The following BMPR1B variants were observed in gnomAD, a reference collection of about 807,000 sequenced individuals.
BMPR1B encodes bone morphogenetic protein receptor type-1B.
In BMPR1B, 12 loss-of-function variants were observed where a neutral mutation model predicts 59.1. The ratio of observed to expected loss-of-function variants is 0.20; its 90% CI spans 0.13 to 0.33. BMPR1B has a LOEUF of 0.33. Among genes scored for constraint, BMPR1B ranks in the 10% least tolerant of loss-of-function variants. BMPR1B has a pLI of 1.00. For missense variants in BMPR1B, 550 were observed against 610.9 expected (o/e 0.90, Z 1.05); for synonymous variants, 237 against 207.3 (o/e 1.14, Z -1.23).
At chr4:95,053,995 G>A (rs542290848) in intron 3 of BMPR1B, among the ~76,000 whole-genome samples, 4 of 152,138 alleles carry the variant, frequency 2.6e-5, no homozygotes, top group Admixed American at 2.0e-4. Context: ...AGGAAAATAC[G>A]AAACACTGAT....
chr4:95,075,104 T>A (rs1728604828), intron 3 of BMPR1B, among the ~76,000 whole-genome samples: 1 of 152,176 alleles, frequency 6.6e-6, no homozygotes, highest in African/African-American at 2.4e-5. Flanking sequence ...CTGTAGGTCT[T>A]AAGATTAAAT....
At chr4:94,862,183 C>T (rs1726011474) in intron 1 of BMPR1B, among the ~76,000 whole-genome samples, 1 of 151,294 alleles carries the variant, frequency 6.6e-6, no homozygotes, top group South Asian at 2.1e-4. Flanking sequence ...TGGAGTCTTG[C>T]TGTGTCACCC....
chr4:95,023,738 T>G (rs1195571060), intron 3 of BMPR1B, among the ~76,000 whole-genome samples: 1 of 152,138 alleles, frequency 6.6e-6, no homozygotes, highest in African/African-American at 2.4e-5. Flanking sequence ...ATTTTTGGGT[T>G]CCCCAGCTTT....
intron 3 of BMPR1B, among the ~76,000 whole-genome samples, chr4:95,047,838 GT>G (rs1328467991): frequency 6.6e-6 from 1 of 152,102 alleles, no homozygotes; most frequent in Non-Finnish European, 1.5e-5. Flanking sequence ...ACACATGCAG[GT>G]TTGTTACATG....
At chr4:95,089,510 G>A (rs909068492) in intron 3 of BMPR1B, among the ~76,000 whole-genome samples, 1 of 152,118 alleles carries the variant, frequency 6.6e-6, no homozygotes, top group Non-Finnish European at 1.5e-5. Flanking sequence ...GGCTTTTAAA[G>A]ACTGGGACCA....
rs531038072 is a variant in BMPR1B, at chr4:95,046,112, C to T, written c.-18+49978C>T. 3.0e-4 allele frequency among the ~76,000 whole-genome samples: 45 copies of T among 151,892 alleles called. 1 individual carries two copies. In the South Asian group the frequency reaches 8.8e-3, roughly 30 times the overall value. ...TTGAGGTGAGGTCTTGCTGTATTGCCCAGGCTAGTCTCGAACCCCTGGGCT... is the reference window on the plus strand; with the variant it reads ...TTGAGGTGAGGTCTTGCTGTATTGCTCAGGCTAGTCTCGAACCCCTGGGCT... On this transcript the variant is annotated intron_variant, in intron 3 of 12. Coordinates refer to ENST00000515059, the MANE Select transcript of BMPR1B (RefSeq NM_001203.3).
At chr4:95,011,207 A>G (rs748583982) in intron 3 of BMPR1B, among the ~76,000 whole-genome samples, 4 of 151,776 alleles carry the variant, frequency 2.6e-5, no homozygotes, top group South Asian at 2.1e-4. Flanking sequence ...CCAGTCCCCA[A>G]TAGTTATTTT....
chr4:94,916,553 A>G lies in BMPR1B; in HGVS notation c.-113+40653A>G, dbSNP rs566717647. Among the ~76,000 whole-genome samples, 4 of 152,364 alleles carry G rather than the reference A, an allele frequency of 2.6e-5. No homozygotes were observed. The South Asian group carries it at 6.2e-4, about 24-fold the overall frequency. ...CTGAAAGTAGAAATTTCTAAGCAGC[A>G]AAGTGTTCACCATGTGGCCTGGCTG... is the stretch of plus-strand genomic sequence containing the variant. On this transcript the variant is annotated intron_variant, in intron 2 of 12. Transcript: ENST00000515059.
chr4:95,026,813 G>A (rs1025745600), intron 3 of BMPR1B, among the ~76,000 whole-genome samples: 1 of 150,946 alleles, frequency 6.6e-6, no homozygotes, highest in African/African-American at 2.4e-5. Context: ...CCAGGATGGA[G>A]TGCAGTGACA....
intron 1 of BMPR1B, among the ~76,000 whole-genome samples, chr4:94,817,523 T>C (rs762064865): frequency 5.3e-5 from 8 of 152,192 alleles, no homozygotes; most frequent in Non-Finnish European, 1.2e-4. Flanking sequence ...TCCTTTTTTT[T>C]TTCTTGGTCT....
chr4:94,818,487 T>C (rs1578678903), intron 1 of BMPR1B, among the ~76,000 whole-genome samples: 2 of 152,366 alleles, frequency 1.3e-5, no homozygotes, highest in East Asian at 3.9e-4. Flanking sequence ...TTAGATTCTA[T>C]GCTATGCTGT....
chr4:94,779,204 A>G (rs1460233438), intron 1 of BMPR1B, among the ~76,000 whole-genome samples: 1 of 152,126 alleles, frequency 6.6e-6, no homozygotes, highest in Non-Finnish European at 1.5e-5. Flanking sequence ...CCATATAAAT[A>G]TGTGTAACCT....
intron 1 of BMPR1B, among the ~76,000 whole-genome samples, chr4:94,844,111 A>C (rs1044560119): frequency 6.6e-6 from 1 of 152,214 alleles, no homozygotes; most frequent in African/African-American, 2.4e-5. Context: ...ACCATAGCTG[A>C]TAATAATGTA....
intron 2 of BMPR1B, among the ~76,000 whole-genome samples, chr4:94,946,011 A>G (rs1729697302): frequency 6.6e-6 from 1 of 152,204 alleles, no homozygotes; most frequent in South Asian, 2.1e-4. Context: ...AGTATTCTAA[A>G]CAGATCAGAA....
rs563307237 is a variant in BMPR1B, at chr4:95,148,772, A to T, written c.1101A>T (p.Pro367=). The T allele has an allele frequency of 3.1e-6, 5 of 1,613,970 alleles. No individual in the cohort carries two copies. In the South Asian group the frequency reaches 4.4e-5, roughly 14 times the overall value. ...FISDTNEVDI[P]PNTRVGTKRY... is the part of the protein sequence containing the mutation. Reference sequence around the variant, plus strand: ...GTGATACAAATGAAGTTGACATACCACCTAACACTCGAGTTGGCACCAAAC... The same window carrying T: ...GTGATACAAATGAAGTTGACATACCTCCTAACACTCGAGTTGGCACCAAAC... Residue 367 remains proline, a synonymous_variant, in exon 11 of 13, where the codon CCA becomes CCT. Coordinates refer to ENST00000515059, the MANE Select transcript of BMPR1B (RefSeq NM_001203.3).
intron 3 of BMPR1B, among the ~76,000 whole-genome samples, chr4:95,073,106 G>T (rs1026936301): frequency 1.3e-5 from 2 of 152,136 alleles, no homozygotes; most frequent in Non-Finnish European, 2.9e-5. Flanking sequence ...AGAGATAAGG[G>T]GGGGAAATCA....
intron 1 of BMPR1B, among the ~76,000 whole-genome samples, chr4:94,803,063 A>G (rs1186281289): frequency 6.6e-6 from 1 of 152,126 alleles, no homozygotes; most frequent in African/African-American, 2.4e-5. Flanking sequence ...CATGGTTGCA[A>G]GTGATGAACT....
At chr4:94,991,946 C>T (rs1344960581) in intron 2 of BMPR1B, among the ~76,000 whole-genome samples, 3 of 152,166 alleles carry the variant, frequency 2.0e-5, no homozygotes, top group Non-Finnish European at 4.4e-5. Flanking sequence ...CTCCAGGATT[C>T]TAGACTAGTA....
chr4:95,123,193 T>G (rs1292300052), intron 6 of BMPR1B, among the ~76,000 whole-genome samples: 4 of 152,200 alleles, frequency 2.6e-5, no homozygotes, highest in Non-Finnish European at 5.9e-5. Context: ...TCATACATTC[T>G]TTGGCTGGAA....
Sources: gnomAD v4.1 joint callset for allele counts (sites outside exome capture counted in the v4.1 genomes callset) on GRCh38, gnomAD v4.1.1 for gene constraint, MANE v1.5 for transcripts, NCBI Gene and HGNC (gene_info 2026-07-23, HGNC 2026-07-21) for gene names.